The following DCDC1 variants were observed in gnomAD, a reference collection of about 807,000 sequenced individuals.
The protein encoded by DCDC1 is doublecortin domain-containing protein 1.
DCDC1 carries 200 observed loss-of-function variants against 178.3 expected under a neutral mutation model. The ratio of observed to expected loss-of-function variants is 1.12; its 90% CI spans 1.00 to 1.26. DCDC1 has a LOEUF of 1.26. Ranked by LOEUF, DCDC1 falls within the 50% of genes most tolerant of loss-of-function variation. The pLI is 0.00. For synonymous variants in DCDC1, 690 were observed against 604.8 expected, an observed-to-expected ratio of 1.14 and a Z score of -2.07; for missense variants, 1,983 against 1,749.2, an observed-to-expected ratio of 1.13 and a Z score of -2.38.
intron 38 of DCDC1, among the ~76,000 whole-genome samples, chr11:30,877,201 C>T (rs1210381373): frequency 6.6e-6 from 1 of 152,144 alleles, no homozygotes; most frequent in Non-Finnish European, 1.5e-5. Context: ...GCAGCGATTA[C>T]CAAGAGCCCC....
Position 31,262,269 on chromosome 11 carries a change from GA to G in DCDC1, c.1054+3237del, listed in dbSNP as rs551280722. On this transcript the variant is annotated intron_variant, in intron 8 of 38. Coordinates refer to ENST00000684477, the MANE Select transcript of DCDC1 (RefSeq NM_001387274.1). ...GCAACAGAGCAAGACCTTGTCTCAG[GA>G]AAAAAAAAAAAAAATTGTCTATGGC... Among the ~76,000 whole-genome samples the G allele has an allele frequency of 2.4e-3, 336 of 141,150 alleles. 2 individuals are homozygous for G. The highest frequency in any genetic ancestry group is 5.4e-3 in the African/African-American group (208 of 38,796). The allele number at this position is 141,150 out of a possible 152,430, so 92.6% of individuals were successfully genotyped here. A position where few individuals can be genotyped will look rare whatever the true frequency, so the allele number is the denominator to read the frequency against.
intron 9 of DCDC1, among the ~76,000 whole-genome samples, chr11:31,229,530 G>C (rs577239243): frequency 1.3e-5 from 2 of 151,946 alleles, no homozygotes; most frequent in Non-Finnish European, 2.9e-5. Context: ...CTCAATTATT[G>C]GAGTAAAAAG....
chr11:30,940,582 C>A (rs1209869754), intron 21 of DCDC1, among the ~76,000 whole-genome samples: 1 of 152,174 alleles, frequency 6.6e-6, no homozygotes, highest in East Asian at 1.9e-4. Context: ...GTGTGACAAG[C>A]AGCAGGACCT....
intron 9 of DCDC1, among the ~76,000 whole-genome samples, chr11:31,235,973 A>G (rs1240624998): frequency 6.6e-6 from 1 of 152,046 alleles, no homozygotes; most frequent in African/African-American, 2.4e-5. Context: ...TTATTTAATA[A>G]ATAGTTTTCA....
rs534072000 is a variant in DCDC1 at position 31,306,485 on chromosome 11, T to C, written c.435-97A>G. On this transcript the variant is annotated intron_variant, in intron 4 of 38. Coordinates refer to ENST00000684477, the MANE Select transcript of DCDC1 (RefSeq NM_001387274.1). Reference sequence around the variant, plus strand: ...GATTTTTTTAAACAGATATAAGCACTAAAGATTGTTCCTATGTATATAAGT... The same window carrying C: ...GATTTTTTTAAACAGATATAAGCACCAAAGATTGTTCCTATGTATATAAGT... The C allele has an allele frequency of 2.3e-6, 3 of 1,301,086 alleles. No homozygotes were observed. In the African/African-American group the frequency reaches 4.6e-5, roughly 20 times the overall value. 80.6% of individuals were successfully genotyped at this position (1,301,086 alleles called of 1,614,324 possible).
At chr11:31,294,810 GAAA>G (rs1947533878) in intron 6 of DCDC1, among the ~76,000 whole-genome samples, 5 of 48,960 alleles carry the variant, frequency 1.0e-4, no homozygotes, top group African/African-American at 3.8e-4. Context: ...AAGAAAGAAA[GAAA>G]GAAAGAAAGA....
At chr11:31,200,242 A>G (rs951446944) in intron 9 of DCDC1, among the ~76,000 whole-genome samples, 1 of 152,052 alleles carries the variant, frequency 6.6e-6, no homozygotes, top group Non-Finnish European at 1.5e-5. Flanking sequence ...CTGTCTAAAG[A>G]TGTGTTTTAA....
At chr11:31,194,155 A>G (rs546043320) in intron 9 of DCDC1, among the ~76,000 whole-genome samples, 1 of 152,230 alleles carries the variant, frequency 6.6e-6, no homozygotes, top group East Asian at 1.9e-4. Flanking sequence ...TGATATCATG[A>G]TAGTTAAGTT....
At chr11:31,230,806 A>C (rs1975663690) in intron 9 of DCDC1, among the ~76,000 whole-genome samples, 1 of 152,182 alleles carries the variant, frequency 6.6e-6, no homozygotes, top group Non-Finnish European at 1.5e-5. Flanking sequence ...GCATGTTATA[A>C]ATATTGTCAT....
intron 20 of DCDC1, among the ~76,000 whole-genome samples, chr11:31,045,754 C>T (rs1380778181): frequency 6.6e-6 from 1 of 152,060 alleles, no homozygotes. Flanking sequence ...TTCCTTTCCA[C>T]AGAGCTCTCC....
chr11:30,935,034 C>A (rs1164393548), intron 21 of DCDC1, among the ~76,000 whole-genome samples: 3 of 152,156 alleles, frequency 2.0e-5, no homozygotes, highest in African/African-American at 7.2e-5. Context: ...GTGTTGACAG[C>A]CCCTAACCCA....
At chr11:31,329,919 A>G (rs1420502119) in intron 2 of DCDC1, among the ~76,000 whole-genome samples, 1 of 152,178 alleles carries the variant, frequency 6.6e-6, no homozygotes, top group African/African-American at 2.4e-5. Context: ...ATACCCAGTA[A>G]TGGGATGGCT....
At chr11:31,117,429 G>T (rs933126625) in intron 11 of DCDC1, among the ~76,000 whole-genome samples, 1 of 151,924 alleles carries the variant, frequency 6.6e-6, no homozygotes, top group Non-Finnish European at 1.5e-5. Context: ...ACAAAGAATG[G>T]CATGTCTCTT....
At chr11:31,118,125 C>G (rs968945581) in intron 11 of DCDC1, among the ~76,000 whole-genome samples, 1 of 152,008 alleles carries the variant, frequency 6.6e-6, no homozygotes, top group African/African-American at 2.4e-5. Context: ...GAGAAATGAA[C>G]ATTGTAGGAT....
intron 6 of DCDC1, among the ~76,000 whole-genome samples, chr11:31,300,287 T>C (rs1948014888): frequency 6.6e-6 from 1 of 152,182 alleles, no homozygotes; most frequent in Admixed American, 6.5e-5. Context: ...AATTTTGTTG[T>C]TGTTGTTATT....
rs1265771116 is a variant in DCDC1, at chr11:31,363,975, T to TA, written c.-125+5721dup. On this transcript the variant is annotated intron_variant, in intron 1 of 38. Transcript: ENST00000684477. ...TTTTGATCTCTTCCCAGGCTAGTGA[T>TA]AGTTAGTAAAATAATTTCTCATGAT... Among the ~76,000 whole-genome samples, 8 of 152,146 alleles carry TA rather than the reference T, an allele frequency of 5.3e-5. 1 individual carries two copies. Among genetic ancestry groups the TA allele is most frequent in the Admixed American group, 5.2e-4 (8 of 15,274 alleles).
rs186186363 is a variant in DCDC1 at position 31,024,256 on chromosome 11, A to G, written c.2591+40213T>C. 3.3e-5 allele frequency among the ~76,000 whole-genome samples: 5 copies of G among 152,136 alleles called. No homozygotes were observed. In the East Asian group the frequency reaches 9.7e-4, roughly 29 times the overall value. On this transcript the variant is annotated intron_variant, in intron 20 of 38. Transcript: ENST00000684477. Reference sequence around the variant, plus strand: ...GTAAGTAGAAAAAGCAGCAGTAGTAAGCATATGAATGACAACTAGGTAAAA... The same window carrying G: ...GTAAGTAGAAAAAGCAGCAGTAGTAGGCATATGAATGACAACTAGGTAAAA...
intron 18 of DCDC1, among the ~76,000 whole-genome samples, chr11:31,070,595 G>A (rs1956496235): frequency 6.6e-6 from 1 of 152,154 alleles, no homozygotes; most frequent in East Asian, 1.9e-4. Flanking sequence ...TACTGGCTTT[G>A]TGACCTTGGG....
At position 30,892,791 on chromosome 11, in the gene DCDC1, G is replaced by A. The variant is rs187923172; in HGVS notation, c.5082+27C>T. On this transcript the variant is annotated intron_variant, in intron 36 of 38. Transcript: ENST00000684477. The stretch of plus-strand genomic sequence containing the variant: ...AGCTGGGATTCAAACTCAGGCCTAT[G>A]AAACACTCCTTTCACACTAGATTTA... The A allele has an allele frequency of 1.9e-6, 3 of 1,613,168 alleles. No individual in the cohort carries two copies. The Admixed American group carries it at 5.0e-5, about 27-fold the overall frequency.
Sources: allele counts gnomAD v4.1 joint callset (sites outside exome capture counted in the v4.1 genomes callset), GRCh38; gene constraint gnomAD v4.1.1; transcripts MANE v1.5; gene names NCBI Gene and HGNC (gene_info 2026-07-23, HGNC 2026-07-21).